CCDC102B: variants seen among roughly 807,000 people sequenced by gnomAD.
CCDC102B encodes coiled-coil domain containing 102B, also known as coiled-coil domain-containing protein 102B.
In CCDC102B, 75 loss-of-function variants were observed where a neutral mutation model predicts 57.4. That is an observed-to-expected ratio of 1.31 (90% CI 1.08 to 1.58). The LOEUF (loss-of-function observed/expected upper bound fraction) is 1.58, where lower values mean the gene tolerates loss of function less well. Among genes scored for constraint, CCDC102B ranks in the 40% most tolerant of loss-of-function variants. The pLI is 0.00. For synonymous variants in CCDC102B, 206 were observed against 201.9 expected (o/e 1.02, Z -0.17); for missense variants, 636 against 582.6 (o/e 1.09, Z -0.94).
intron 6 of CCDC102B, among the ~76,000 whole-genome samples, chr18:68,999,161 G>A (rs2051131636): frequency 6.6e-6 from 1 of 151,764 alleles, no homozygotes; most frequent in African/African-American, 2.4e-5. Context: ...AGCAATCATG[G>A]AAAGAGAAAA....
At chr18:68,734,148 A>G (rs1412649439) in intron 2 of CCDC102B, among the ~76,000 whole-genome samples, 1 of 152,224 alleles carries the variant, frequency 6.6e-6, no homozygotes, top group Non-Finnish European at 1.5e-5. Flanking sequence ...GAAAGCAGTT[A>G]GTAATGGTTG....
At chr18:68,804,874 T>C (rs1004618978) in intron 1 of CCDC102B, among the ~76,000 whole-genome samples, 1 of 151,942 alleles carries the variant, frequency 6.6e-6, no homozygotes. Context: ...CTTTTTTTTT[T>C]TTTTTATGTT....
At chr18:68,920,448 G>A (rs1164103549) in intron 6 of CCDC102B, among the ~76,000 whole-genome samples, 1 of 152,082 alleles carries the variant, frequency 6.6e-6, no homozygotes, top group Non-Finnish European at 1.5e-5. Flanking sequence ...GTACTGTGGT[G>A]TATTAGTCCA....
intron 4 of CCDC102B, among the ~76,000 whole-genome samples, chr18:68,847,569 C>A (rs1319041324): frequency 6.6e-6 from 1 of 151,704 alleles, no homozygotes; most frequent in Non-Finnish European, 1.5e-5. Flanking sequence ...GTTTAAAAAG[C>A]AATATGTGTA....
At chr18:68,870,351 A>G (rs2039191212) in intron 4 of CCDC102B, among the ~76,000 whole-genome samples, 1 of 152,200 alleles carries the variant, frequency 6.6e-6, no homozygotes, top group African/African-American at 2.4e-5. Context: ...CAGAACTTAA[A>G]GTATAATCAT....
intron 2 of CCDC102B, among the ~76,000 whole-genome samples, chr18:68,749,547 G>T (rs1020021422): frequency 5.3e-5 from 8 of 152,098 alleles, no homozygotes; most frequent in Non-Finnish European, 1.0e-4. Context: ...AATTGTGAAT[G>T]GGAGTTCACT....
At chr18:68,837,495 A>G (rs2037436635) in intron 2 of CCDC102B, 126 bp downstream of exon 2, 4 of 866,408 alleles carry the variant, frequency 4.6e-6, no homozygotes, top group Non-Finnish European at 7.2e-6. Context: ...ACAAAGTACC[A>G]TAATCACAGT....
intron 6 of CCDC102B, among the ~76,000 whole-genome samples, chr18:68,981,045 A>G (rs1345259632): frequency 6.6e-6 from 1 of 152,066 alleles, no homozygotes; most frequent in African/African-American, 2.4e-5. Flanking sequence ...CTGCTGTGGA[A>G]GGAGAGTAGA....
rs906541274 is a variant in CCDC102B, at chr18:69,054,834, A to C, written c.*697A>C. ...TACAGTAAAATCATGGAAAGGCATCAGCATTGCAAAGTAGCATCTAGGTAG... is the reference window on the plus strand; with the variant it reads ...TACAGTAAAATCATGGAAAGGCATCCGCATTGCAAAGTAGCATCTAGGTAG... On this transcript the variant is annotated 3_prime_UTR_variant, in exon 8 of 8. Transcript: ENST00000360242. 1.0e-6 allele frequency: 1 copy of C among 985,252 alleles called. No homozygotes were observed. Among genetic ancestry groups the C allele is most frequent in the African/African-American group, 1.7e-5 (1 of 57,242 alleles). 61.0% of individuals were successfully genotyped at this position (985,252 alleles called of 1,614,324 possible). A position where few individuals can be genotyped will look rare whatever the true frequency, so the allele number is the denominator to read the frequency against.
chr18:68,733,501 TA>T (rs2032983906), intron 2 of CCDC102B, among the ~76,000 whole-genome samples: 9 of 82,146 alleles, frequency 1.1e-4, no homozygotes, highest in African/African-American at 4.6e-4. Context: ...TATATATATA[TA>T]TATATTTTTT....
intron 5 of CCDC102B, among the ~76,000 whole-genome samples, chr18:68,889,961 C>T (rs2144991491): frequency 6.6e-6 from 1 of 152,246 alleles, no homozygotes; most frequent in East Asian, 1.9e-4. Context: ...CTGTACTTTC[C>T]TCGCAGCAGC....
At chr18:69,014,380 A>G (rs2051602885) in intron 7 of CCDC102B, among the ~76,000 whole-genome samples, 1 of 152,206 alleles carries the variant, frequency 6.6e-6, no homozygotes, top group African/African-American at 2.4e-5. Flanking sequence ...TCTAGAGAGT[A>G]GAGCTAAGGA....
chr18:68,717,809 A>G (rs566490234), intron 2 of CCDC102B, among the ~76,000 whole-genome samples: 6 of 152,316 alleles, frequency 3.9e-5, no homozygotes, highest in African/African-American at 1.2e-4. Context: ...TATATTTTGC[A>G]TACATATTGC....
chr18:68,953,959 G>A (rs2049772356), intron 6 of CCDC102B, among the ~76,000 whole-genome samples: 1 of 151,792 alleles, frequency 6.6e-6, no homozygotes, highest in African/African-American at 2.4e-5. Context: ...CAAAGTGAAT[G>A]TCATTTTAGT....
chr18:68,890,160 T>G (rs2144992250), intron 5 of CCDC102B, among the ~76,000 whole-genome samples: 1 of 152,284 alleles, frequency 6.6e-6, no homozygotes. Flanking sequence ...TGCTTACCTT[T>G]TTTTTTTAAA....
chr18:68,968,564 A>G (rs1167623508), intron 6 of CCDC102B, among the ~76,000 whole-genome samples: 4 of 152,160 alleles, frequency 2.6e-5, no homozygotes, highest in Admixed American at 6.6e-5. Flanking sequence ...TCTTTGTACT[A>G]AGACCACTTA....
intron 2 of CCDC102B, among the ~76,000 whole-genome samples, chr18:68,718,869 A>G (rs1188770471): frequency 6.6e-6 from 1 of 152,216 alleles, no homozygotes; most frequent in Non-Finnish European, 1.5e-5. Flanking sequence ...TTCAGAAAAT[A>G]CCATTTCTTT....
intron 2 of CCDC102B, among the ~76,000 whole-genome samples, chr18:68,764,075 G>T (rs986950635): frequency 6.6e-6 from 1 of 152,070 alleles, no homozygotes; most frequent in African/African-American, 2.4e-5. Flanking sequence ...GCTGGGCTTA[G>T]ATTCAAAATC....
chr18:68,902,276 A>T (rs966594845), intron 6 of CCDC102B: 1 of 152,180 alleles, frequency 6.6e-6, no homozygotes, highest in Non-Finnish European at 1.5e-5. Context: ...ATATCATTTC[A>T]TATATAAATT....
Sources: gnomAD v4.1 joint callset for allele counts (sites outside exome capture counted in the v4.1 genomes callset) on GRCh38, gnomAD v4.1.1 for gene constraint, MANE v1.5 for transcripts, NCBI Gene and HGNC (gene_info 2026-07-23, HGNC 2026-07-21) for gene names.